Variants in MMS22L observed in about 807,000 individuals in gnomAD.
MMS22L encodes the protein MMS22 like, DNA repair protein.
In MMS22L, 74 loss-of-function variants were observed where a neutral mutation model predicts 159.1. The ratio of observed to expected loss-of-function variants is 0.47; its 90% CI spans 0.39 to 0.56. The LOEUF (loss-of-function observed/expected upper bound fraction) is 0.56, where lower values mean the gene tolerates loss of function less well. MMS22L is among the 20% of genes least tolerant of loss of function. MMS22L has a pLI of 0.00. For missense variants in MMS22L, 1,351 were observed against 1,422.1 expected (o/e 0.95, Z 0.80); for synonymous variants, 517 against 506.9 (o/e 1.02, Z -0.27).
intron 14 of MMS22L, among the ~76,000 whole-genome samples, chr6:97,215,192 T>A (rs1808877219): frequency 6.6e-6 from 1 of 151,490 alleles, no homozygotes; most frequent in Non-Finnish European, 1.5e-5. Context: ...CAAGGAGGAT[T>A]TTTTCTTTAT....
chr6:97,217,763 TCA>T (rs1488822239), intron 14 of MMS22L, among the ~76,000 whole-genome samples: 4 of 152,206 alleles, frequency 2.6e-5, no homozygotes, highest in African/African-American at 9.6e-5. Context: ...TTTGAATTTC[TCA>T]CAGATGGACC....
intron 13 of MMS22L, among the ~76,000 whole-genome samples, chr6:97,229,707 CTTTCT>C (rs1349550136): frequency 6.6e-6 from 1 of 152,118 alleles, no homozygotes; most frequent in African/African-American, 2.4e-5. Context: ...CCCCCATCAC[CTTTCT>C]TTTCTTATTT....
At chr6:97,165,814 G>A (rs912728711) in intron 20 of MMS22L, among the ~76,000 whole-genome samples, 2 of 151,896 alleles carry the variant, frequency 1.3e-5, no homozygotes, top group African/African-American at 4.8e-5. Context: ...ACACCTTTAG[G>A]TCATTTTTTT....
intron 14 of MMS22L, among the ~76,000 whole-genome samples, chr6:97,224,680 G>A (rs1810031795): frequency 6.6e-6 from 1 of 150,984 alleles, no homozygotes; most frequent in Non-Finnish European, 1.5e-5. Flanking sequence ...ACAAATAGTG[G>A]TAATAATTTC....
chr6:97,150,297 C>T (rs375245109), intron 23 of MMS22L, among the ~76,000 whole-genome samples: 12 of 152,138 alleles, frequency 7.9e-5, no homozygotes, highest in African/African-American at 2.6e-4. Flanking sequence ...GGGTAAAAAT[C>T]TAATCCCGGG....
chr6:97,261,073 C>T (rs1318598764), intron 9 of MMS22L: 1 of 152,124 alleles, frequency 6.6e-6, no homozygotes, highest in Non-Finnish European at 1.5e-5. Flanking sequence ...TACAAGAAAA[C>T]TTTTTCAGTA....
chr6:97,211,211 A>G (rs1808337009), intron 14 of MMS22L, among the ~76,000 whole-genome samples: 1 of 152,084 alleles, frequency 6.6e-6, no homozygotes, highest in South Asian at 2.1e-4. Context: ...TTTTAAGATT[A>G]TGACATTTAT....
rs1038097652 is a variant in MMS22L, at chr6:97,145,200, A to C, written c.*1606T>G. On this transcript the variant is annotated 3_prime_UTR_variant, in exon 25 of 25. Coordinates refer to ENST00000683635, the MANE Select transcript of MMS22L (RefSeq NM_001350599.2). ...TCACTATCATGATGAAAAGAAATTCAGTGTTATGAAGTCTATTAAACAGCC... is the reference window on the plus strand; with the variant it reads ...TCACTATCATGATGAAAAGAAATTCCGTGTTATGAAGTCTATTAAACAGCC... 3.9e-5 allele frequency: 6 copies of C among 152,252 alleles called. No homozygotes were observed. Among genetic ancestry groups the C allele is most frequent in the Middle Eastern group, 3.4e-3 (1 of 294 alleles). 9.4% of individuals were successfully genotyped at this position (152,252 alleles called of 1,614,324 possible). A position where few individuals can be genotyped will look rare whatever the true frequency, so the allele number is the denominator to read the frequency against.
chr6:97,145,404 G>C lies in MMS22L; in HGVS notation c.*1402C>G, dbSNP rs1031752361. On this transcript the variant is annotated 3_prime_UTR_variant, in exon 25 of 25. Transcript: ENST00000683635. The stretch of plus-strand genomic sequence containing the variant: ...AAAGATACTCCTTGAGCCAGAGAAG[G>C]GTTGAAATGTTTTCTTGAAGGAAGA... The C allele has an allele frequency of 1.3e-5, 2 of 152,126 alleles. No homozygotes were observed. Among genetic ancestry groups the C allele is most frequent in the Admixed American group, 1.3e-4 (2 of 15,278 alleles). 9.4% of individuals were successfully genotyped at this position (152,126 alleles called of 1,614,324 possible).
intron 10 of MMS22L, chr6:97,254,328 G>A (rs1813550689): frequency 2.4e-6 from 1 of 421,130 alleles, no homozygotes; most frequent in South Asian, 3.0e-5. Flanking sequence ...TTCAGTAGCA[G>A]GGCCAGGACT....
rs78700117 is a variant in MMS22L, at chr6:97,182,857, T to C, written c.2234-803A>G. The stretch of plus-strand genomic sequence containing the variant: ...CATCAGGTTATATCAGTCACTATCT[T>C]TGTTGCATTTACCTACTACTTCCTA... On this transcript the variant is annotated intron_variant, in intron 15 of 24. Transcript: ENST00000683635. 5.3e-3 allele frequency among the ~76,000 whole-genome samples: 809 copies of C among 152,214 alleles called. 1 individual carries two copies. The highest frequency in any genetic ancestry group is 9.0e-3 in the Non-Finnish European group (613 of 68,000).
At chr6:97,168,644 C>T (rs931659746) in intron 19 of MMS22L, among the ~76,000 whole-genome samples, 3 of 152,014 alleles carry the variant, frequency 2.0e-5, no homozygotes, top group Admixed American at 2.0e-4. Flanking sequence ...AAGTATACTA[C>T]AAGTATTCCA....
chr6:97,162,185 G>T lies in MMS22L; in HGVS notation c.3222-20C>A. 1 of 1,581,276 alleles carries T rather than the reference G, an allele frequency of 6.3e-7. No homozygotes were observed. Among genetic ancestry groups the T allele is most frequent in the Non-Finnish European group, 8.6e-7 (1 of 1,169,472 alleles). On this transcript the variant is annotated intron_variant, in intron 21 of 24. Transcript: ENST00000683635. ...GATTTCCTGAAAAGAAGCAAAATTT[G>T]TTTATTCTCTGCTTAAAGCTTCAAT...
In MMS22L at chr6:97,192,252, T is replaced by C. The variant is rs535412136; in HGVS notation, c.2040-5562A>G. Among the ~76,000 whole-genome samples, 76 of 152,226 alleles carry C rather than the reference T, an allele frequency of 5.0e-4. 1 individual carries two copies. Among genetic ancestry groups the C allele is most frequent in the African/African-American group, 1.8e-3 (73 of 41,540 alleles). ...TATGTGAAATCAAAGCAAGAGTTTA[T>C]TGACTGTTTTGATGATAAAGCACAG... On this transcript the variant is annotated intron_variant, in intron 14 of 24. Transcript: ENST00000683635.
At chr6:97,251,121 A>G (rs980093218) in intron 10 of MMS22L, among the ~76,000 whole-genome samples, 6 of 152,208 alleles carry the variant, frequency 3.9e-5, no homozygotes, top group African/African-American at 1.4e-4. Context: ...TGAGGATAAA[A>G]GCAAAAATTA....
intron 13 of MMS22L, 61 bp from the exon 14 acceptor site, chr6:97,229,464 T>A: frequency 8.1e-7 from 1 of 1,235,754 alleles, no homozygotes; most frequent in Non-Finnish European, 1.1e-6. Context: ...CTGTATCTCT[T>A]AAAAGAAAAT....
chr6:97,242,599 T>C (rs1812200799), intron 11 of MMS22L, among the ~76,000 whole-genome samples: 1 of 152,186 alleles, frequency 6.6e-6, no homozygotes. Context: ...AACGTTAGTA[T>C]TGAGATGTAA....
intron 4 of MMS22L, among the ~76,000 whole-genome samples, chr6:97,278,615 T>G (rs9387212): frequency 0.36 from 55,171 of 152,040 alleles, 11,471 homozygotes; most frequent in East Asian, 0.79. Context: ...CTTCAGAGAA[T>G]TTTAGCTTAA....
chr6:97,212,443 C>A (rs1175520925), intron 14 of MMS22L, among the ~76,000 whole-genome samples: 3 of 152,148 alleles, frequency 2.0e-5, no homozygotes, highest in Admixed American at 6.5e-5. Context: ...CCTAAAAAAT[C>A]TTAATTTAGA....
Sources: gnomAD v4.1 joint callset for allele counts (sites outside exome capture counted in the v4.1 genomes callset) on GRCh38, gnomAD v4.1.1 for gene constraint, MANE v1.5 for transcripts, NCBI Gene and HGNC (gene_info 2026-07-23, HGNC 2026-07-21) for gene names.